Variants in PLXNA4 observed in about 807,000 individuals in gnomAD.
PLXNA4 encodes plexin A4.
In PLXNA4, 44 loss-of-function variants were observed where a neutral mutation model predicts 191.8. The ratio of observed to expected loss-of-function variants is 0.23; its 90% confidence interval spans 0.18 to 0.29. The LOEUF (loss-of-function observed/expected upper bound fraction) is 0.29. Among genes scored for constraint, PLXNA4 ranks in the 10% least tolerant of loss-of-function variants. PLXNA4 has a pLI of 1.00. For synonymous variants in PLXNA4, 1,082 were observed against 1,009.5 expected (o/e 1.07, Z -1.36); for missense variants, 1,800 against 2,488.8 (o/e 0.72, Z 5.89).
chr7:132,447,112 T>A (rs1795940758), intron 3 of PLXNA4, among the ~76,000 whole-genome samples: 1 of 151,734 alleles, frequency 6.6e-6, no homozygotes, highest in Non-Finnish European at 1.5e-5. Context: ...CTGGCCCCGC[T>A]CCACTGCCTA....
intron 25 of PLXNA4, among the ~76,000 whole-genome samples, chr7:132,154,517 T>A (rs1795737880): frequency 6.6e-6 from 1 of 152,062 alleles, no homozygotes; most frequent in Non-Finnish European, 1.5e-5. Context: ...AGGTACTAGA[T>A]CTTTGTAAAC....
At chr7:132,595,018 TAGAC>T (rs200153876) in intron 2 of PLXNA4, among the ~76,000 whole-genome samples, 6,269 of 31,540 alleles carry the variant, frequency 0.2, 248 homozygotes, top group Middle Eastern at 0.33. Flanking sequence ...GATAGATAGA[TAGAC>T]AGACAGACAG....
chr7:132,182,284 G>A, intron 16 of PLXNA4, 94 bp from the exon 17 acceptor site: 1 of 1,537,216 alleles, frequency 6.5e-7, no homozygotes, highest in Non-Finnish European at 8.8e-7. Flanking sequence ...AATAAGGACA[G>A]TGATAACTAG....
At chr7:132,571,703 A>G (rs1801988570) in intron 1 of PLXNA4, among the ~76,000 whole-genome samples, 1 of 152,166 alleles carries the variant, frequency 6.6e-6, no homozygotes, top group Non-Finnish European at 1.5e-5. Context: ...TTGCACAGCT[A>G]TTTTAAAGAT....
chr7:132,541,178 T>C (rs1800064645), intron 1 of PLXNA4, among the ~76,000 whole-genome samples: 1 of 152,156 alleles, frequency 6.6e-6, no homozygotes, highest in African/African-American at 2.4e-5. Flanking sequence ...TTGGATGAAG[T>C]TGGCCATTTC....
intron 2 of PLXNA4, among the ~76,000 whole-genome samples, chr7:132,603,179 C>T (rs1212007189): frequency 6.6e-6 from 1 of 152,056 alleles, no homozygotes; most frequent in Non-Finnish European, 1.5e-5. Context: ...AGCTCCCACA[C>T]TAATGAGATT....
chr7:132,290,864 C>T (rs181585199), intron 4 of PLXNA4, among the ~76,000 whole-genome samples: 6 of 152,294 alleles, frequency 3.9e-5, no homozygotes, highest in South Asian at 2.1e-4. Flanking sequence ...CAGAGGGACC[C>T]ACACGTCCAT....
chr7:132,571,104 A>G lies in PLXNA4; in HGVS notation c.-87+5318T>C, dbSNP rs570529159. 2.6e-5 allele frequency among the ~76,000 whole-genome samples: 4 copies of G among 152,314 alleles called. No homozygotes were observed. The East Asian group carries it at 7.7e-4, about 29-fold the overall frequency. On this transcript the variant is annotated intron_variant, in intron 1 of 31. Transcript: ENST00000321063. ...TTGTCTTTTGGAGAAAAAGAAAAAA[A>G]AAAAGGCAAGTAACCAAAGTGCCTC...
chr7:132,203,282 C>A (rs1159879850), intron 11 of PLXNA4, 41 bp downstream of exon 11: 2 of 1,555,784 alleles, frequency 1.3e-6, no homozygotes, highest in African/African-American at 1.4e-5. Context: ...CTACCCCATC[C>A]CTTCCCCTCC....
chr7:132,199,325 A>T (rs1201434538), intron 12 of PLXNA4, among the ~76,000 whole-genome samples: 1 of 152,186 alleles, frequency 6.6e-6, no homozygotes, highest in Non-Finnish European at 1.5e-5. Context: ...AATTACTATG[A>T]GCATTTGTCA....
intron 3 of PLXNA4, among the ~76,000 whole-genome samples, chr7:132,311,801 G>C (rs1396964672): frequency 6.6e-6 from 1 of 152,186 alleles, no homozygotes; most frequent in Non-Finnish European, 1.5e-5. Context: ...GGTGAGGCAT[G>C]TGAATAGTTT....
intron 2 of PLXNA4, among the ~76,000 whole-genome samples, chr7:132,601,160 A>C (rs929603211): frequency 3.3e-5 from 5 of 152,194 alleles, no homozygotes; most frequent in African/African-American, 1.2e-4. Context: ...TATACCACTT[A>C]GCACATGGGA....
At chr7:132,418,445 G>A (rs2288968) in intron 3 of PLXNA4, among the ~76,000 whole-genome samples, 35,400 of 152,180 alleles carry the variant, frequency 0.23, 8,498 homozygotes, top group African/African-American at 0.6. Flanking sequence ...GATGGATCCA[G>A]CCCAGCTTAG....
intron 14 of PLXNA4, 64 bp downstream of exon 14, chr7:132,193,998 C>T (rs975649074): frequency 1.9e-6 from 3 of 1,562,462 alleles, no homozygotes; most frequent in Non-Finnish European, 2.6e-6. Context: ...TAGAGGGGCC[C>T]AGCAATCATG....
chr7:132,216,182 G>A (rs1170457679), intron 9 of PLXNA4, among the ~76,000 whole-genome samples: 2 of 152,214 alleles, frequency 1.3e-5, no homozygotes, highest in Non-Finnish European at 2.9e-5. Flanking sequence ...TTGGAGAATT[G>A]CTTGGTGTAG....
chr7:132,638,697 G>T (rs1803658076), intron 2 of PLXNA4, among the ~76,000 whole-genome samples: 1 of 151,862 alleles, frequency 6.6e-6, no homozygotes, highest in Non-Finnish European at 1.5e-5. Flanking sequence ...TTGTACCCAT[G>T]GTTTCTGGTC....
intron 3 of PLXNA4, among the ~76,000 whole-genome samples, chr7:132,350,930 C>T (rs564734073): frequency 6.6e-6 from 1 of 152,242 alleles, no homozygotes; most frequent in South Asian, 2.1e-4. Flanking sequence ...GTGGTATATC[C>T]ATACAATGGA....
intron 1 of PLXNA4, among the ~76,000 whole-genome samples, chr7:132,527,792 C>T (rs901253760): frequency 6.6e-6 from 1 of 152,160 alleles, no homozygotes; most frequent in African/African-American, 2.4e-5. Flanking sequence ...CAGACTCAAC[C>T]TCCACGCACG....
At chr7:132,600,333 A>G (rs1371127043) in intron 2 of PLXNA4, among the ~76,000 whole-genome samples, 1 of 151,986 alleles carries the variant, frequency 6.6e-6, no homozygotes, top group African/African-American at 2.4e-5. Context: ...AATTTCTTTA[A>G]TATTTTTGGT....
Sources: allele counts gnomAD v4.1 joint callset (sites outside exome capture counted in the v4.1 genomes callset), GRCh38; gene constraint gnomAD v4.1.1; transcripts MANE v1.5; gene names NCBI Gene and HGNC (gene_info 2026-07-23, HGNC 2026-07-21).